The following DDX10 variants were observed in gnomAD, a reference collection of about 807,000 sequenced individuals.
The protein encoded by DDX10 is probable ATP-dependent RNA helicase DDX10.
In DDX10, 74 loss-of-function variants were observed where a neutral mutation model predicts 104.3. The observed-to-expected ratio is 0.71, with a 90% CI of 0.59 to 0.86. The LOEUF is 0.86. Among genes scored for constraint, DDX10 ranks in the 40% least tolerant of loss-of-function variants. DDX10 has a pLI of 0.00. For synonymous variants in DDX10, 351 were observed against 353.4 expected (o/e 0.99, Z 0.08); for missense variants, 952 against 1,040.0 (o/e 0.92, Z 1.16).
rs893994750 is a variant in DDX10 at position 108,833,254 on chromosome 11, A to G, written c.1966-5192A>G. On this transcript the variant is annotated intron_variant, in intron 13 of 17. Coordinates refer to ENST00000322536, the MANE Select transcript of DDX10 (RefSeq NM_004398.4). ...ATGCTCTTCTCACCCCTGACTACCT[A>G]GGACAGTCATATTCATTTATTCTGT... Among the ~76,000 whole-genome samples the G allele has an allele frequency of 2.6e-5, 4 of 152,296 alleles. No individual in the cohort carries two copies. The South Asian group carries it at 6.2e-4, about 24-fold the overall frequency.
chr11:108,912,631 A>G (rs1863695420), intron 16 of DDX10, among the ~76,000 whole-genome samples: 1 of 152,172 alleles, frequency 6.6e-6, no homozygotes, highest in South Asian at 2.1e-4. Context: ...TGTCAGGCAA[A>G]CTTGTCTTCC....
intron 13 of DDX10, among the ~76,000 whole-genome samples, chr11:108,776,926 A>C (rs2094370701): frequency 6.6e-6 from 1 of 152,240 alleles, no homozygotes; most frequent in Admixed American, 6.5e-5. Context: ...CAGAGCTTCC[A>C]GGTGGGGACT....
At chr11:108,680,486 A>G (rs887653494) in intron 6 of DDX10, among the ~76,000 whole-genome samples, 1 of 152,154 alleles carries the variant, frequency 6.6e-6, no homozygotes, top group Non-Finnish European at 1.5e-5. Context: ...AAGTGTTGAG[A>G]TTACACTCAG....
chr11:108,761,819 A>G (rs540079855), intron 13 of DDX10, among the ~76,000 whole-genome samples: 7 of 152,094 alleles, frequency 4.6e-5, no homozygotes, highest in Non-Finnish European at 1.0e-4. Flanking sequence ...TGTATACTCA[A>G]TTTCCTGTAG....
At chr11:108,745,356 T>C (rs1267767875) in intron 13 of DDX10, among the ~76,000 whole-genome samples, 2 of 151,152 alleles carry the variant, frequency 1.3e-5, no homozygotes, top group African/African-American at 4.9e-5. Context: ...CAGTCTCAGG[T>C]GATCCTCCCA....
intron 13 of DDX10, among the ~76,000 whole-genome samples, chr11:108,762,612 A>G (rs1237565565): frequency 6.6e-6 from 1 of 152,172 alleles, no homozygotes; most frequent in East Asian, 1.9e-4. Flanking sequence ...CCTATGAGAC[A>G]GAGGTTCTCC....
At chr11:108,740,826 T>A (rs897076462) in intron 13 of DDX10, among the ~76,000 whole-genome samples, 1 of 152,084 alleles carries the variant, frequency 6.6e-6, no homozygotes, top group African/African-American at 2.4e-5. Flanking sequence ...TGTAACGGAG[T>A]TGATTTTTGC....
At chr11:108,665,537 A>T (rs1052588765) in intron 1 of DDX10, among the ~76,000 whole-genome samples, 198 bp downstream of exon 1, 1 of 151,970 alleles carries the variant, frequency 6.6e-6, no homozygotes, top group Non-Finnish European at 1.5e-5. Context: ...TCCTAAAAAA[A>T]TAATAGAAAT....
At chr11:108,749,140 T>C (rs1406481191) in intron 13 of DDX10, among the ~76,000 whole-genome samples, 1 of 151,982 alleles carries the variant, frequency 6.6e-6, no homozygotes, top group African/African-American at 2.4e-5. Flanking sequence ...GACCTCCTGA[T>C]CTGCCCGCCT....
chr11:108,678,377 G>T lies in DDX10; in HGVS notation c.600G>T (p.Arg200=), dbSNP rs1565243502. 3.1e-6 allele frequency: 5 copies of T among 1,613,046 alleles called. No individual in the cohort carries two copies. Among genetic ancestry groups the T allele is most frequent in the Non-Finnish European group, 4.2e-6 (5 of 1,179,560 alleles). Residue 200 remains arginine (R), a synonymous_variant, in exon 5 of 18, where the codon CGG becomes CGT. Coordinates refer to ENST00000322536, the MANE Select transcript of DDX10 (RefSeq NM_004398.4). ...ATATACTCGTGTGCACACCAGGTCG[G>T]CTTCTTCAACACATGGATGAAACAG... ...NINILVCTPG[R]LLQHMDETVS...
At chr11:108,916,782 C>T (rs1023644923) in intron 16 of DDX10, among the ~76,000 whole-genome samples, 7 of 151,982 alleles carry the variant, frequency 4.6e-5, no homozygotes, top group African/African-American at 1.2e-4. Context: ...ATAAATTTGT[C>T]GTGTGATGTT....
intron 13 of DDX10, among the ~76,000 whole-genome samples, chr11:108,810,654 A>G (rs916610081): frequency 6.6e-6 from 1 of 152,190 alleles, no homozygotes; most frequent in Non-Finnish European, 1.5e-5. Flanking sequence ...TTATGTTTCA[A>G]CGGAACCTGT....
chr11:108,772,989 C>G (rs954176551), intron 13 of DDX10, among the ~76,000 whole-genome samples: 1 of 152,142 alleles, frequency 6.6e-6, no homozygotes, highest in African/African-American at 2.4e-5. Context: ...TTATTGTGAA[C>G]ATAGTTTTGA....
chr11:108,794,699 TC>T (rs1861915481), intron 13 of DDX10, among the ~76,000 whole-genome samples: 1 of 152,200 alleles, frequency 6.6e-6, no homozygotes, highest in African/African-American at 2.4e-5. Context: ...AACCAACTTT[TC>T]TTTCCTGGCA....
intron 16 of DDX10, among the ~76,000 whole-genome samples, chr11:108,907,584 A>C (rs572926234): frequency 6.6e-6 from 1 of 151,852 alleles, no homozygotes; most frequent in Non-Finnish European, 1.5e-5. Flanking sequence ...ATCCCCTCAA[A>C]TTTCTACATG....
chr11:108,871,517 T>C (rs1863081786), intron 16 of DDX10, among the ~76,000 whole-genome samples: 2 of 152,216 alleles, frequency 1.3e-5, no homozygotes, highest in East Asian at 3.9e-4. Context: ...GAAAGAAATA[T>C]CTTTTCCTTC....
intron 13 of DDX10, among the ~76,000 whole-genome samples, chr11:108,817,872 T>C (rs539840230): frequency 3.3e-4 from 51 of 152,348 alleles, no homozygotes; most frequent in African/African-American, 1.1e-3. Flanking sequence ...GATCAGGCAT[T>C]TGCCTCTGAA....
intron 17 of DDX10, among the ~76,000 whole-genome samples, chr11:108,939,989 C>T (rs764477429): frequency 3.9e-5 from 6 of 152,118 alleles, no homozygotes; most frequent in Non-Finnish European, 8.8e-5. Context: ...GTGGATGATA[C>T]AGCTGTAACT....
At chr11:108,675,900 C>T in intron 3 of DDX10, 174 bp downstream of exon 3, 1 of 724,964 alleles carries the variant, frequency 1.4e-6, no homozygotes, top group South Asian at 1.8e-5. Context: ...CCATTTTCCC[C>T]AGGTTCTAGC....
Sources: allele counts gnomAD v4.1 joint callset (sites outside exome capture counted in the v4.1 genomes callset), GRCh38; gene constraint gnomAD v4.1.1; transcripts MANE v1.5; gene names NCBI Gene and HGNC (gene_info 2026-07-23, HGNC 2026-07-21).